Variants in BRD10 observed in about 807,000 individuals in gnomAD.
The protein encoded by BRD10 is uncharacterized bromodomain-containing protein 10.
At chr9:5,924,758 A>C in the BRD10 span, 3 of 1,606,844 alleles carry the variant, frequency 1.9e-6, no homozygotes, top group Non-Finnish European at 2.6e-6. Flanking sequence ...GATCTCCTTC[A>C]CCTTCATCAG....
At chr9:6,000,015 C>A in the BRD10 span, among the ~76,000 whole-genome samples, 1 of 152,080 alleles carries the variant, frequency 6.6e-6, no homozygotes, top group East Asian at 1.9e-4. Flanking sequence ...AACTTCCTTT[C>A]AATAAAATAC....
the BRD10 span, among the ~76,000 whole-genome samples, chr9:5,896,569 T>G: frequency 2.0e-5 from 3 of 152,222 alleles, no homozygotes; most frequent in Non-Finnish European, 4.4e-5. Context: ...CTGTAGCTGC[T>G]CAGTCTCTTG....
chr9:5,935,007 T>A, the BRD10 span, among the ~76,000 whole-genome samples: 1 of 152,194 alleles, frequency 6.6e-6, no homozygotes, highest in Admixed American at 6.6e-5. Flanking sequence ...TACTAACATA[T>A]TCCTGCATAT....
chr9:5,911,125 T>A, the BRD10 span, among the ~76,000 whole-genome samples: 200 of 152,372 alleles, frequency 1.3e-3, no homozygotes, highest in Middle Eastern at 3.4e-3. Context: ...CTCACTCCAA[T>A]GTCCTGGAGA....
the BRD10 span, chr9:5,923,112 CTGTTGTCTCATT>C: frequency 6.2e-7 from 1 of 1,613,970 alleles, no homozygotes; most frequent in Non-Finnish European, 8.5e-7. Context: ...AGATTCTCAA[CTGTTGTCTCATT>C]TGTGCTTAAC....
the BRD10 span, among the ~76,000 whole-genome samples, chr9:5,982,820 GGAGTT>G: frequency 6.6e-6 from 1 of 152,202 alleles, no homozygotes; most frequent in Non-Finnish European, 1.5e-5. Context: ...CCAGTGGAGT[GGAGTT>G]GAGGGGATAG....
the BRD10 span, among the ~76,000 whole-genome samples, chr9:5,950,918 G>C: frequency 6.6e-6 from 1 of 151,574 alleles, no homozygotes; most frequent in African/African-American, 2.4e-5. Flanking sequence ...TATTGTTTAG[G>C]GAATAATGAC....
At chr9:5,921,773 G>T in the BRD10 span, 1 of 1,613,970 alleles carries the variant, frequency 6.2e-7, no homozygotes, top group Non-Finnish European at 8.5e-7. Flanking sequence ...TGTTGTTGAT[G>T]GTAGTAGAGT....
At chr9:5,950,989 G>GGTTGA in the BRD10 span, among the ~76,000 whole-genome samples, 1 of 150,374 alleles carries the variant, frequency 6.7e-6, no homozygotes, top group Admixed American at 6.7e-5. Context: ...TTCAATCCAA[G>GGTTGA]GTTGAATGCA....
chr9:6,003,391 T>C, the BRD10 span, among the ~76,000 whole-genome samples: 2 of 152,216 alleles, frequency 1.3e-5, no homozygotes, highest in African/African-American at 4.8e-5. Flanking sequence ...AAAGTTCTTT[T>C]CATAATTTCC....
the BRD10 span, chr9:5,898,241 G>T: frequency 1.3e-5 from 2 of 152,954 alleles, no homozygotes; most frequent in South Asian, 4.1e-4. Flanking sequence ...TAGAGACGAG[G>T]TCCCACTATG....
chr9:5,895,383 CTT>C, the BRD10 span, among the ~76,000 whole-genome samples: 1 of 143,738 alleles, frequency 7.0e-6, no homozygotes. Flanking sequence ...GGGCCATCTT[CTT>C]TTTTTTTTTT....
the BRD10 span, chr9:5,920,198 G>T: frequency 6.2e-7 from 1 of 1,614,002 alleles, no homozygotes; most frequent in Non-Finnish European, 8.5e-7. Context: ...TATTGGTGTA[G>T]ATTGAATGCC....
At chr9:6,007,432 G>C in the BRD10 span, 17 of 1,606,534 alleles carry the variant, frequency 1.1e-5, no homozygotes, top group Non-Finnish European at 1.4e-5. Context: ...CCCGCTGCGC[G>C]GCCCTTCCGC....
At chr9:5,896,710 A>G in the BRD10 span, among the ~76,000 whole-genome samples, 82 of 152,308 alleles carry the variant, frequency 5.4e-4, no homozygotes, top group Non-Finnish European at 1.6e-4. Flanking sequence ...CCCGGAGTGA[A>G]CAGCTCCAGG....
chr9:5,950,431 T>C, the BRD10 span, among the ~76,000 whole-genome samples: 3 of 152,152 alleles, frequency 2.0e-5, no homozygotes, highest in African/African-American at 4.8e-5. Context: ...ACTGGAATCA[T>C]GGAGAAGTTA....
chr9:5,924,867 A>G, the BRD10 span: 1 of 1,408,206 alleles, frequency 7.1e-7, no homozygotes, highest in South Asian at 1.9e-5. Context: ...TGCCCAACAT[A>G]ATAAATAATA....
At chr9:5,929,158 C>T in the BRD10 span, 2 of 1,481,072 alleles carry the variant, frequency 1.4e-6, no homozygotes, top group Non-Finnish European at 1.9e-6. Context: ...ATACCATTTT[C>T]CCTAAAAATA....
At chr9:6,008,269 G>A in the BRD10 span, 4 of 982,378 alleles carry the variant, frequency 4.1e-6, no homozygotes, top group South Asian at 4.7e-5. Context: ...ACCCCCTCCC[G>A]CCCCCCTCTA....
Sources: allele counts gnomAD v4.1 joint callset (sites outside exome capture counted in the v4.1 genomes callset), GRCh38; gene constraint gnomAD v4.1.1; transcripts MANE v1.5; gene names NCBI Gene and HGNC (gene_info 2026-07-23, HGNC 2026-07-21).